Variants in ADAMTS16 observed in about 807,000 individuals in gnomAD.
ADAMTS16 encodes the protein ADAM metallopeptidase with thrombospondin type 1 motif 16.
Under a neutral mutation model 145.8 loss-of-function variants are expected in ADAMTS16, and 94 were observed. That is an observed-to-expected ratio of 0.64 (90% confidence interval 0.55 to 0.77). ADAMTS16 has a LOEUF of 0.77. Ranked by LOEUF, ADAMTS16 falls within the 30% of genes least tolerant of loss-of-function variation. ADAMTS16 has a pLI of 0.00. For synonymous variants in ADAMTS16, 659 were observed against 604.3 expected, an observed-to-expected ratio of 1.09 and a Z score of -1.33; for missense variants, 1,585 against 1,591.5, an observed-to-expected ratio of 1.00 and a Z score of 0.07.
At chr5:5,215,746 G>C (rs570739760) in intron 10 of ADAMTS16, among the ~76,000 whole-genome samples, 1 of 144,646 alleles carries the variant, frequency 6.9e-6, no homozygotes, top group African/African-American at 2.6e-5. Flanking sequence ...ATATATATAT[G>C]TGGTGTATAT....
intron 9 of ADAMTS16, among the ~76,000 whole-genome samples, 157 bp from the exon 10 acceptor site, chr5:5,208,936 A>G (rs1736201109): frequency 6.6e-6 from 1 of 152,186 alleles, no homozygotes; most frequent in African/African-American, 2.4e-5. Flanking sequence ...TATAATTAAG[A>G]TAAGTATTAT....
intron 17 of ADAMTS16, among the ~76,000 whole-genome samples, chr5:5,245,443 C>A (rs911067754): frequency 3.9e-5 from 6 of 152,130 alleles, no homozygotes; most frequent in Admixed American, 1.3e-4. Context: ...AATTCTTGAC[C>A]TGATTCCCAA....
Position 5,269,828 on chromosome 5 carries a change from C to T in ADAMTS16, c.2789+7045C>T, listed in dbSNP as rs2913668. Among the ~76,000 whole-genome samples, 150,776 of 152,228 alleles carry T rather than the reference C, an allele frequency of 0.99. 74,683 individuals are homozygous for T. Among genetic ancestry groups the T allele is most frequent in the East Asian group, 1 (5,154 of 5,154 alleles). ...TGTCCTATCTTCTACACTTGACTCT[C>T]TCAAACACGGTTTAATACACACATG... On this transcript the variant is annotated intron_variant, in intron 18 of 22. Coordinates refer to ENST00000274181, the MANE Select transcript of ADAMTS16 (RefSeq NM_139056.4). This position sits in a 1 kb window ranked among gnomAD's most constrained non-coding sequence, Gnocchi z 4.3.
chr5:5,236,885 A>G (rs1737125191), intron 13 of ADAMTS16, 84 bp from the exon 14 acceptor site: 1 of 1,480,850 alleles, frequency 6.8e-7, no homozygotes, highest in Non-Finnish European at 9.0e-7. Context: ...GGGAAGAAAG[A>G]AAGTCTATCT....
At position 5,285,866 on chromosome 5, in the gene ADAMTS16, A is replaced by ACTT. The variant is rs560543461; in HGVS notation, c.2790-17388_2790-17386dup. Among the ~76,000 whole-genome samples, 1,121 of 152,254 alleles carry ACTT rather than the reference A, an allele frequency of 7.4e-3. 19 individuals carry two copies. Among genetic ancestry groups the ACTT allele is most frequent in the African/African-American group, 0.025 (1,046 of 41,548 alleles). On this transcript the variant is annotated intron_variant, in intron 18 of 22. Transcript: ENST00000274181. The stretch of plus-strand genomic sequence containing the variant: ...TAATATCAGCATTTCAGATGCCTTC[A>ACTT]CTTCTTCTTCTTCTTCAGTAGAACC...
chr5:5,310,995 C>T lies in ADAMTS16; in HGVS notation c.3411+4267C>T, dbSNP rs569146397. ...GATATGTGAGCAGCAGGGGCTGGAT[C>T]TCACTGAATGCCCGTGGCTTCTGCT... On this transcript the variant is annotated intron_variant, in intron 21 of 22. Coordinates refer to ENST00000274181, the MANE Select transcript of ADAMTS16 (RefSeq NM_139056.4). This position sits in a 1 kb window ranked among gnomAD's most constrained non-coding sequence, Gnocchi z 4.3. 1.3e-5 allele frequency among the ~76,000 whole-genome samples: 2 copies of T among 152,136 alleles called. No homozygotes were observed. Among genetic ancestry groups the T allele is most frequent in the Admixed American group, 6.5e-5 (1 of 15,276 alleles).
intron 3 of ADAMTS16, among the ~76,000 whole-genome samples, chr5:5,172,647 T>C (rs1735072742): frequency 6.6e-6 from 1 of 152,170 alleles, no homozygotes; most frequent in Admixed American, 6.5e-5. Context: ...TTAAGACTTT[T>C]TTGTGGCCTA....
intron 17 of ADAMTS16, among the ~76,000 whole-genome samples, chr5:5,246,189 C>G (rs1036032427): frequency 6.6e-6 from 1 of 152,214 alleles, no homozygotes; most frequent in African/African-American, 2.4e-5. Context: ...AATCACTAAT[C>G]TTCAACCTCT....
At chr5:5,288,774 C>G (rs1417242497) in intron 18 of ADAMTS16, among the ~76,000 whole-genome samples, 1 of 152,158 alleles carries the variant, frequency 6.6e-6, no homozygotes, top group Non-Finnish European at 1.5e-5. Flanking sequence ...GACAAGCCAG[C>G]CTTGTAGAAA....
At position 5,186,390 on chromosome 5, in the gene ADAMTS16, T is replaced by C; in HGVS notation, c.963+139T>C. 3 of 819,982 alleles carry C rather than the reference T, an allele frequency of 3.7e-6. No individual in the cohort carries two copies. The South Asian group carries it at 5.2e-5, about 14-fold the overall frequency. 50.8% of individuals were successfully genotyped at this position (819,982 alleles called of 1,614,324 possible). ...TGTTCCATATATGAGAAATATTTTATTGGTGATAACTCATTTAGTTTTCTA... is the reference window on the plus strand; with the variant it reads ...TGTTCCATATATGAGAAATATTTTACTGGTGATAACTCATTTAGTTTTCTA... On this transcript the variant is annotated intron_variant, in intron 5 of 22. Transcript: ENST00000274181.
intron 3 of ADAMTS16, among the ~76,000 whole-genome samples, chr5:5,155,428 A>G (rs1167898704): frequency 6.6e-6 from 1 of 152,240 alleles, no homozygotes. Flanking sequence ...TTGAAGAGAG[A>G]GAATTAATAC....
intron 9 of ADAMTS16, among the ~76,000 whole-genome samples, chr5:5,201,876 T>A (rs191889831): frequency 4.0e-4 from 61 of 152,358 alleles, no homozygotes; most frequent in Admixed American, 3.9e-3. Context: ...GCCTCTCTGG[T>A]TCCTTTCACT....
At chr5:5,261,179 T>C (rs1738002227) in intron 17 of ADAMTS16, among the ~76,000 whole-genome samples, 1 of 152,226 alleles carries the variant, frequency 6.6e-6, no homozygotes, top group Non-Finnish European at 1.5e-5. Context: ...CCCTCTATCA[T>C]ACAGGCTGGA....
At chr5:5,144,429 T>C (rs916952296) in intron 2 of ADAMTS16, among the ~76,000 whole-genome samples, 1 of 152,252 alleles carries the variant, frequency 6.6e-6, no homozygotes, top group Admixed American at 6.5e-5. Context: ...TTAGAGTATA[T>C]TTTTACAAGC....
At chr5:5,266,351 A>G (rs1448293827) in intron 18 of ADAMTS16, among the ~76,000 whole-genome samples, 1 of 152,168 alleles carries the variant, frequency 6.6e-6, no homozygotes, top group African/African-American at 2.4e-5. Context: ...GCCCCTTTGC[A>G]TCTGCAAACC....
chr5:5,202,684 A>G (rs1735994318), intron 9 of ADAMTS16, among the ~76,000 whole-genome samples: 1 of 152,232 alleles, frequency 6.6e-6, no homozygotes, highest in Admixed American at 6.5e-5. Flanking sequence ...TTCTAGATTC[A>G]GAATTTTTTA....
At chr5:5,222,951 T>C (rs1268369428) in intron 11 of ADAMTS16, 67 bp downstream of exon 11, 60 of 1,424,416 alleles carry the variant, frequency 4.2e-5, no homozygotes, top group Non-Finnish European at 5.9e-5. Context: ...GCATCTTTGC[T>C]CCTCTTGCAT....
At chr5:5,283,147 T>C (rs10512780) in intron 18 of ADAMTS16, among the ~76,000 whole-genome samples, 9,218 of 152,246 alleles carry the variant, frequency 0.061, 484 homozygotes, top group African/African-American at 0.15. Context: ...TTAAAGGCAA[T>C]GACATATATT....
At chr5:5,235,418 G>A (rs1272304329) in intron 13 of ADAMTS16, among the ~76,000 whole-genome samples, 3 of 152,230 alleles carry the variant, frequency 2.0e-5, no homozygotes, top group South Asian at 2.1e-4. Flanking sequence ...GATAGAAAGC[G>A]TGTGCATAAT....
Sources: allele counts gnomAD v4.1 joint callset (sites outside exome capture counted in the v4.1 genomes callset), GRCh38; gene constraint gnomAD v4.1.1; non-coding constraint Gnocchi (gnomAD v3.1); transcripts MANE v1.5; gene names NCBI Gene and HGNC (gene_info 2026-07-23, HGNC 2026-07-21).